UBASH3B: variants seen among roughly 807,000 people sequenced by gnomAD.
UBASH3B encodes ubiquitin-associated and SH3 domain-containing protein B.
Under a neutral mutation model 83.4 loss-of-function variants are expected in UBASH3B, and 37 were observed. The ratio of observed to expected loss-of-function variants is 0.44; its 90% confidence interval spans 0.34 to 0.58. UBASH3B has a LOEUF of 0.58. Among genes scored for constraint, UBASH3B ranks in the 20% least tolerant of loss-of-function variants. UBASH3B has a pLI of 0.01. For synonymous variants in UBASH3B, 304 were observed against 318.3 expected (o/e 0.96, Z 0.48); for missense variants, 657 against 827.2 (o/e 0.79, Z 2.52).
intron 1 of UBASH3B, among the ~76,000 whole-genome samples, chr11:122,769,901 T>C (rs1179466646): frequency 6.6e-6 from 1 of 152,208 alleles, no homozygotes; most frequent in African/African-American, 2.4e-5. Context: ...GAATTCAAAC[T>C]GTTAGGTGTG....
chr11:122,783,018 C>T (rs199927000), intron 4 of UBASH3B, 35 bp from the exon 5 acceptor site: 1 of 1,597,676 alleles, frequency 6.3e-7, no homozygotes, highest in Non-Finnish European at 8.5e-7. Context: ...TCATCACCAC[C>T]TTTTAATTAC....
At chr11:122,779,399 C>T (rs1316954074) in intron 3 of UBASH3B, 98 bp from the exon 4 acceptor site, 17 of 1,331,180 alleles carry the variant, frequency 1.3e-5, no homozygotes, top group Non-Finnish European at 1.7e-5. Context: ...GCATTATCAG[C>T]CTCCTCCAGT....
chr11:122,699,220 G>T (rs1225344164), intron 1 of UBASH3B, among the ~76,000 whole-genome samples: 1 of 152,188 alleles, frequency 6.6e-6, no homozygotes, highest in Non-Finnish European at 1.5e-5. Flanking sequence ...TCTATTAGGT[G>T]CCTGCTGTAC....
chr11:122,698,092 A>C (rs533995607), intron 1 of UBASH3B, among the ~76,000 whole-genome samples: 7 of 152,304 alleles, frequency 4.6e-5, no homozygotes, highest in Non-Finnish European at 8.8e-5. Flanking sequence ...TGAGGAAACC[A>C]GGGTGGTGGA....
At chr11:122,744,199 G>A (rs552050965) in intron 1 of UBASH3B, among the ~76,000 whole-genome samples, 19 of 152,292 alleles carry the variant, frequency 1.2e-4, no homozygotes, top group African/African-American at 3.9e-4. Context: ...TGTGAGTACT[G>A]CCGCTTGAAT....
chr11:122,672,107 C>A (rs1863603732), intron 1 of UBASH3B, among the ~76,000 whole-genome samples: 1 of 151,940 alleles, frequency 6.6e-6, no homozygotes, highest in Non-Finnish European at 1.5e-5. Context: ...CAAAAGTTTA[C>A]TGAGCAGTGA....
At chr11:122,701,473 C>CT (rs1864039785) in intron 1 of UBASH3B, among the ~76,000 whole-genome samples, 4 of 152,032 alleles carry the variant, frequency 2.6e-5, no homozygotes, top group Admixed American at 2.0e-4. Flanking sequence ...GCCTTTCAAG[C>CT]TTTTTTTTGG....
intron 1 of UBASH3B, among the ~76,000 whole-genome samples, chr11:122,664,349 A>G (rs1863485830): frequency 6.6e-6 from 1 of 152,148 alleles, no homozygotes; most frequent in Non-Finnish European, 1.5e-5. Flanking sequence ...GTGGGGAGAA[A>G]AAACCACACT....
chr11:122,798,988 C>T lies in UBASH3B; in HGVS notation c.1404C>T (p.Cys468=), dbSNP rs991271535. 1.2e-6 allele frequency: 2 copies of T among 1,614,062 alleles called. No individual in the cohort carries two copies. Among genetic ancestry groups the T allele is most frequent in the Non-Finnish European group, 1.7e-6 (2 of 1,179,982 alleles). Reference sequence around the variant, plus strand: ...ATACCATTATCGATCATGTCTATTGCTCCCCGTCCCTTCGCTGCGTTCAGA... The same window carrying T: ...ATACCATTATCGATCATGTCTATTGTTCCCCGTCCCTTCGCTGCGTTCAGA... ...ESNTIIDHVY[C]SPSLRCVQTA... is the part of the protein sequence containing the mutation. Residue 468 remains cysteine, a synonymous_variant, in exon 10 of 14, where the codon TGC becomes TGT. Coordinates refer to ENST00000284273, the MANE Select transcript of UBASH3B (RefSeq NM_032873.5).
chr11:122,812,711 C>T lies in UBASH3B; in HGVS notation c.*2825C>T, dbSNP rs1310630726. 3.3e-5 allele frequency: 5 copies of T among 152,198 alleles called. No homozygotes were observed. Among genetic ancestry groups the T allele is most frequent in the South Asian group, 2.1e-4 (1 of 4,830 alleles). The allele number at this position is 152,198 out of a possible 1,614,324, so 9.4% of individuals were successfully genotyped here. Reference sequence around the variant, plus strand: ...CTTCTACAAGTGTGCCACATCAATCCGGTAATGCCCCAGTGTTATTCACAG... The same window carrying T: ...CTTCTACAAGTGTGCCACATCAATCTGGTAATGCCCCAGTGTTATTCACAG... On this transcript the variant is annotated 3_prime_UTR_variant, in exon 14 of 14. Transcript: ENST00000284273.
intron 1 of UBASH3B, among the ~76,000 whole-genome samples, chr11:122,710,281 T>C (rs1029242550): frequency 6.6e-6 from 1 of 151,730 alleles, no homozygotes. Flanking sequence ...CAGAGGTAAA[T>C]GCAGTTTAGG....
chr11:122,766,647 G>A (rs963639951), intron 1 of UBASH3B, among the ~76,000 whole-genome samples: 1 of 152,254 alleles, frequency 6.6e-6, no homozygotes, highest in Admixed American at 6.5e-5. Flanking sequence ...GGAGGCTGAG[G>A]CAGGAGAATG....
intron 1 of UBASH3B, among the ~76,000 whole-genome samples, chr11:122,703,639 A>T (rs975096487): frequency 6.6e-6 from 1 of 152,188 alleles, no homozygotes; most frequent in Non-Finnish European, 1.5e-5. Flanking sequence ...AATAAGTGGG[A>T]TTGTCTGAGA....
intron 1 of UBASH3B, among the ~76,000 whole-genome samples, chr11:122,666,349 T>C (rs1433290422): frequency 1.3e-5 from 2 of 152,258 alleles, no homozygotes; most frequent in African/African-American, 4.8e-5. Context: ...TGTGGAACGA[T>C]GCAGGGTCGC....
intron 1 of UBASH3B, among the ~76,000 whole-genome samples, chr11:122,711,933 A>G (rs1267706042): frequency 6.6e-6 from 1 of 152,010 alleles, no homozygotes; most frequent in Non-Finnish European, 1.5e-5. Flanking sequence ...TAATACCCAT[A>G]CCAAAGAAAG....
intron 1 of UBASH3B, among the ~76,000 whole-genome samples, chr11:122,708,536 CG>C (rs1266323411): frequency 6.6e-5 from 10 of 152,216 alleles, no homozygotes; most frequent in Non-Finnish European, 1.5e-4. Context: ...TCAAGTGATC[CG>C]CCCACCTTGG....
chr11:122,792,493 A>G (rs1453462808), intron 6 of UBASH3B, among the ~76,000 whole-genome samples: 1 of 151,556 alleles, frequency 6.6e-6, no homozygotes, highest in Non-Finnish European at 1.5e-5. Context: ...TAATTTTTGT[A>G]TTTTGAATAG....
chr11:122,663,593 G>A lies in UBASH3B; in HGVS notation c.161+7383G>A, dbSNP rs960927182. Among the ~76,000 whole-genome samples, 5 of 152,222 alleles carry A rather than the reference G, an allele frequency of 3.3e-5. No individual in the cohort carries two copies. The East Asian group carries it at 5.8e-4, about 18-fold the overall frequency. ...CAACCTAGGGAATCCTGTGTCTCCC[G>A]CCAGCTTTGCTCCAGCTGATGATGA... On this transcript the variant is annotated intron_variant, in intron 1 of 13. Coordinates refer to ENST00000284273, the MANE Select transcript of UBASH3B (RefSeq NM_032873.5).
At chr11:122,799,868 A>G (rs1258278724) in intron 10 of UBASH3B, among the ~76,000 whole-genome samples, 1 of 152,240 alleles carries the variant, frequency 6.6e-6, no homozygotes, top group African/African-American at 2.4e-5. Flanking sequence ...AAGCAACAGG[A>G]TTAGACTGTT....
Sources: gnomAD v4.1 joint callset for allele counts (sites outside exome capture counted in the v4.1 genomes callset) on GRCh38, gnomAD v4.1.1 for gene constraint, MANE v1.5 for transcripts, NCBI Gene and HGNC (gene_info 2026-07-23, HGNC 2026-07-21) for gene names.